MYH13: variants seen among roughly 807,000 people sequenced by gnomAD.
The protein encoded by MYH13 is myosin-13.
A neutral mutation model predicts 232.1 loss-of-function variants in MYH13; 177 were observed. The ratio of observed to expected loss-of-function variants is 0.76; its 90% CI spans 0.67 to 0.86. The LOEUF (loss-of-function observed/expected upper bound fraction) is 0.86, where lower values mean the gene tolerates loss of function less well. MYH13 is among the 40% of genes least tolerant of loss of function. The pLI is 0.00. For missense variants in MYH13, 2,246 were observed against 2,405.9 expected (o/e 0.93, Z 1.39); for synonymous variants, 884 against 923.5 (o/e 0.96, Z 0.78).
Position 10,312,022 on chromosome 17 carries a change from C to A in MYH13, c.4420G>T (p.Ala1474Ser), listed in dbSNP as rs1906524293. Residue 1474 changes from alanine to serine, a missense_variant, in exon 32 of 41, where the codon GCT (alanine) becomes TCT (serine). Coordinates refer to ENST00000252172, the MANE Select transcript of MYH13 (RefSeq NM_003802.3). ...CTGAGTGACCTGGACTCCTTCTGAG[C>A]AGCTTCCAACTCAGCCTGGCTTTCG... is the stretch of plus-strand genomic sequence containing the variant. ...LDESQAELEA[A>S]QKESRSLSTE... The A allele has an allele frequency of 1.2e-6, 2 of 1,614,006 alleles. No individual in the cohort carries two copies. The highest frequency in any genetic ancestry group is 2.7e-5 in the African/African-American group (2 of 75,052).
chr17:10,345,951 C>T (rs1209247277), intron 13 of MYH13, among the ~76,000 whole-genome samples: 4 of 136,540 alleles, frequency 2.9e-5, no homozygotes, highest in African/African-American at 8.3e-5. Flanking sequence ...CAAGATCGTG[C>T]CACTGCACTC....
chr17:10,308,022 A>G (rs934080968), intron 35 of MYH13, among the ~76,000 whole-genome samples: 1 of 152,168 alleles, frequency 6.6e-6, no homozygotes. Flanking sequence ...AATCATATAG[A>G]AGACTATTTA....
chr17:10,371,972 G>T (rs62058110), intron 1 of MYH13, among the ~76,000 whole-genome samples: 29,701 of 151,974 alleles, frequency 0.2, 3,492 homozygotes, highest in Non-Finnish European at 0.25. Flanking sequence ...AATATCAAAT[G>T]TAATCTAAGC....
chr17:10,369,234 A>C (rs548112949), intron 2 of MYH13, among the ~76,000 whole-genome samples: 2 of 152,202 alleles, frequency 1.3e-5, no homozygotes, highest in Admixed American at 1.3e-4. Flanking sequence ...TTCAGGGATA[A>C]ATTTGTAAAA....
intron 27 of MYH13, among the ~76,000 whole-genome samples, 159 bp from the exon 28 acceptor site, chr17:10,316,184 GGC>G (rs1312547096): frequency 1.3e-5 from 2 of 152,352 alleles, no homozygotes; most frequent in East Asian, 3.9e-4. Flanking sequence ...TAATCGGCCA[GGC>G]GCAGTGGCTC....
rs780689329 is a variant in MYH13 at position 10,300,952 on chromosome 17, C to A, written c.5816G>T (p.Ter1939LeuextTer20). The change falls in exon 41 of 41, where the codon TGA (stop) becomes TTA (leucine). Residue 1939 changes from the stop codon to leucine, a stop_lost. Coordinates refer to ENST00000252172, the MANE Select transcript of MYH13 (RefSeq NM_003802.3). The part of the protein sequence containing the change: ...RDVGSQKMEE[*>L] The stretch of plus-strand genomic sequence containing the variant: ...ATGGCAACGAGCATCAGGTGAGCCT[C>A]ATTCTTCCATCTTCTGTGGGAGAAA... 16 of 1,612,998 alleles carry A rather than the reference C, an allele frequency of 9.9e-6. No individual in the cohort carries two copies. Among genetic ancestry groups the A allele is most frequent in the Non-Finnish European group, 1.4e-5 (16 of 1,179,306 alleles).
Position 10,315,945 on chromosome 17 carries a change from C to T in MYH13, c.3819G>A (p.Leu1273=), listed in dbSNP as rs771210533. ...IKAKDEQQTQ[L]IHDLNMQKAR... is the part of the protein sequence containing the mutation. Reference sequence around the variant, plus strand: ...CTTTCTGCATGTTCAGATCATGGATCAACTGTGTCTGTTGCTCGTCCTTGG... The same window carrying T: ...CTTTCTGCATGTTCAGATCATGGATTAACTGTGTCTGTTGCTCGTCCTTGG... The change falls in exon 28 of 41, where the codon TTG becomes TTA. Residue 1273 remains leucine (L), a synonymous_variant. Coordinates refer to ENST00000252172, the MANE Select transcript of MYH13 (RefSeq NM_003802.3). 6 of 1,613,986 alleles carry T rather than the reference C, an allele frequency of 3.7e-6. No individual in the cohort carries two copies. Among genetic ancestry groups the T allele is most frequent in the Non-Finnish European group, 5.1e-6 (6 of 1,179,878 alleles).
In MYH13 at chr17:10,315,960, C is replaced by T. The variant is rs768782567; in HGVS notation, c.3804G>A (p.Glu1268=). The change falls in exon 28 of 41, where the codon GAG becomes GAA. Residue 1268 remains glutamate (E), a synonymous_variant. Transcript: ENST00000252172. ...DQFSEIKAKD[E]QQTQLIHDLN... ...GATCATGGATCAACTGTGTCTGTTGCTCGTCCTTGGCTTTGATTTCACTAA... is the reference window on the plus strand; with the variant it reads ...GATCATGGATCAACTGTGTCTGTTGTTCGTCCTTGGCTTTGATTTCACTAA... The T allele has an allele frequency of 1.9e-6, 3 of 1,613,864 alleles. No homozygotes were observed. The highest frequency in any genetic ancestry group is 2.7e-5 in the African/African-American group (2 of 74,922).
intron 5 of MYH13, 56 bp downstream of exon 5, chr17:10,362,062 C>T (rs2071798015): frequency 1.9e-6 from 3 of 1,612,162 alleles, no homozygotes; most frequent in African/African-American, 1.3e-5. Flanking sequence ...CCATCAAAAG[C>T]TTGAAAAATT....
rs1350006010 is a variant in MYH13 at position 10,350,635 on chromosome 17, C to A, written c.1065G>T (p.Thr355=). The change falls in exon 12 of 41, where the codon ACG becomes ACT. Residue 355 remains threonine (T), a synonymous_variant. Transcript: ENST00000252172. ...TGTTCCCATAATGCATCACGGCTCC[C>A]GTCAGTTTGTAGATCCCGACTTTCT... ...SEEKVGIYKL[T]GAVMHYGNMK... 2 of 1,613,814 alleles carry A rather than the reference C, an allele frequency of 1.2e-6. No individual in the cohort carries two copies. The highest frequency in any genetic ancestry group is 8.5e-7 in the Non-Finnish European group (1 of 1,179,974).
Position 10,329,227 on chromosome 17 carries a change from G to C in MYH13, c.2436-1106C>G, listed in dbSNP as rs963008401. Among the ~76,000 whole-genome samples the C allele has an allele frequency of 2.0e-5, 3 of 152,204 alleles. No individual in the cohort carries two copies. The East Asian group carries it at 5.8e-4, about 29-fold the overall frequency. ...GCTCTGACAGTTAGAGCCACACAGGGGATCAGGGAACCAGGGAGAACAGGC... is the reference window on the plus strand; with the variant it reads ...GCTCTGACAGTTAGAGCCACACAGGCGATCAGGGAACCAGGGAGAACAGGC... On this transcript the variant is annotated intron_variant, in intron 21 of 40. Coordinates refer to ENST00000252172, the MANE Select transcript of MYH13 (RefSeq NM_003802.3).
intron 18 of MYH13, among the ~76,000 whole-genome samples, chr17:10,336,640 T>A (rs995638621): frequency 6.6e-6 from 1 of 152,176 alleles, no homozygotes; most frequent in South Asian, 2.1e-4. Context: ...CACAGGGCTC[T>A]TACACTCTGG....
intron 11 of MYH13, among the ~76,000 whole-genome samples, chr17:10,351,794 G>T (rs558550132): frequency 1.3e-5 from 2 of 152,176 alleles, no homozygotes; most frequent in African/African-American, 4.8e-5. Context: ...CTTCTCTGGG[G>T]TACACATATT....
At chr17:10,363,419 G>T (rs2071809630) in intron 3 of MYH13, among the ~76,000 whole-genome samples, 1 of 152,142 alleles carries the variant, frequency 6.6e-6, no homozygotes, top group Middle Eastern at 3.5e-3. Flanking sequence ...AACTTTGAGG[G>T]TTTCACAGAA....
intron 23 of MYH13, among the ~76,000 whole-genome samples, chr17:10,322,180 C>T (rs1406926150): frequency 6.6e-6 from 1 of 151,952 alleles, no homozygotes; most frequent in Non-Finnish European, 1.5e-5. Context: ...ATCATGAGGT[C>T]AGGAGATCGA....
intron 15 of MYH13, 146 bp downstream of exon 15, chr17:10,345,056 T>C: frequency 7.8e-7 from 1 of 1,279,520 alleles, no homozygotes. Context: ...ACATTCATTC[T>C]CTTTGCAAAT....
rs757292109 is a variant in MYH13 at position 10,309,237 on chromosome 17, G to C, written c.5166C>G (p.Ser1722=). 1.9e-6 allele frequency: 3 copies of C among 1,612,958 alleles called. No individual in the cohort carries two copies. The highest frequency in any genetic ancestry group is 2.5e-6 in the Non-Finnish European group (3 of 1,179,668). The change falls in exon 35 of 41, where the codon TCC becomes TCG. Residue 1722 remains serine, a synonymous_variant. Coordinates refer to ENST00000252172, the MANE Select transcript of MYH13 (RefSeq NM_003802.3). ...DASDRVQLLH[S]QNTSLINTKK... is the part of the protein sequence containing the mutation. ...GGAGGAGTGAGGGCCGACGCACCTGGGAGTGCAGGAGCTGCACGCGGTCGC... is the reference window on the plus strand; with the variant it reads ...GGAGGAGTGAGGGCCGACGCACCTGCGAGTGCAGGAGCTGCACGCGGTCGC...
chr17:10,352,018 G>A (rs998546458), intron 11 of MYH13, among the ~76,000 whole-genome samples: 5 of 152,156 alleles, frequency 3.3e-5, no homozygotes, highest in African/African-American at 1.2e-4. Context: ...GAGAGATTCC[G>A]AGGCCATGAT....
intron 23 of MYH13, among the ~76,000 whole-genome samples, chr17:10,322,503 C>A (rs1184696612): frequency 6.6e-6 from 1 of 152,156 alleles, no homozygotes; most frequent in African/African-American, 2.4e-5. Context: ...GTAAGTGAAA[C>A]CTTTTTCCAC....
Sources: gnomAD v4.1 joint callset for allele counts (sites outside exome capture counted in the v4.1 genomes callset) on GRCh38, gnomAD v4.1.1 for gene constraint, MANE v1.5 for transcripts, NCBI Gene and HGNC (gene_info 2026-07-23, HGNC 2026-07-21) for gene names.